NEK10: variants seen among roughly 807,000 people sequenced by gnomAD.
NEK10 encodes NIMA related kinase 10.
In NEK10, 122 loss-of-function variants were observed where a neutral mutation model predicts 159.8. That is an observed-to-expected ratio of 0.76 (90% CI 0.66 to 0.89). The LOEUF is 0.89. NEK10 is among the 40% of genes least tolerant of loss of function. The pLI is 0.00. For synonymous variants in NEK10, 466 were observed against 457.1 expected (o/e 1.02, Z -0.25); for missense variants, 1,342 against 1,323.1 (o/e 1.01, Z -0.22).
In NEK10 at chr3:27,298,795, CAA is replaced by C. The variant is rs535315551; in HGVS notation, c.1169-1557_1169-1556del. 2.0e-5 allele frequency among the ~76,000 whole-genome samples: 3 copies of C among 152,238 alleles called. No individual in the cohort carries two copies. The South Asian group carries it at 6.2e-4, about 32-fold the overall frequency. On this transcript the variant is annotated intron_variant, in intron 13 of 35. Transcript: ENST00000691995. ...CAAGGTGACTCTTGCTATGTTTTAGCAAAGAGATTGGTGGCATTTTGCCCCTG... is the reference window on the plus strand; with the variant it reads ...CAAGGTGACTCTTGCTATGTTTTAGCAGAGATTGGTGGCATTTTGCCCCTG...
chr3:27,364,214 A>G (rs6774748), intron 1 of NEK10, among the ~76,000 whole-genome samples: 86,673 of 151,798 alleles, frequency 0.57, 26,737 homozygotes, highest in African/African-American at 0.81. Context: ...TGCTCTTGTC[A>G]CCCAGGCTGG....
At chr3:27,289,660 T>G (rs2042861738) in intron 19 of NEK10, among the ~76,000 whole-genome samples, 1 of 152,234 alleles carries the variant, frequency 6.6e-6, no homozygotes, top group Non-Finnish European at 1.5e-5. Flanking sequence ...AACACTGGAC[T>G]GGCTTAGGTC....
intron 25 of NEK10, among the ~76,000 whole-genome samples, chr3:27,198,537 A>T (rs376483332): frequency 1.5e-4 from 23 of 152,136 alleles, no homozygotes; most frequent in African/African-American, 5.6e-4. Context: ...GCAATGGGGG[A>T]AAGATTCCCT....
At position 27,172,845 on chromosome 3, in the gene NEK10, C is replaced by G. The variant is rs190604285; in HGVS notation, c.2777-972G>C. Among the ~76,000 whole-genome samples, 94 of 152,162 alleles carry G rather than the reference C, an allele frequency of 6.2e-4. 1 individual carries two copies. Among genetic ancestry groups the G allele is most frequent in the African/African-American group, 2.2e-3 (90 of 41,518 alleles). ...CCATGAATGGCTTTGTCTATAAACA[C>G]TCTCATATTGTTCTAAAGTCAAACT... On this transcript the variant is annotated intron_variant, in intron 28 of 35. Coordinates refer to ENST00000691995, the MANE Select transcript of NEK10 (RefSeq NM_001394966.1).
rs1376171812 is a variant in NEK10, at chr3:27,177,877, G to T, written c.2506-3044C>A. Among the ~76,000 whole-genome samples, 3 of 152,118 alleles carry T rather than the reference G, an allele frequency of 2.0e-5. No individual in the cohort carries two copies. The South Asian group carries it at 6.2e-4, about 32-fold the overall frequency. On this transcript the variant is annotated intron_variant, in intron 26 of 35. Coordinates refer to ENST00000691995, the MANE Select transcript of NEK10 (RefSeq NM_001394966.1). ...ACATTAACCTATTAAAGGGATTTAGGCAAGAAAAAAGGCAAAGTTTTTGGA... is the reference window on the plus strand; with the variant it reads ...ACATTAACCTATTAAAGGGATTTAGTCAAGAAAAAAGGCAAAGTTTTTGGA...
Position 27,209,373 on chromosome 3 carries a change from C to G in NEK10, c.2091-6816G>C, listed in dbSNP as rs922533744. ...TAAACACTATCTATGGTTTTCTGCA[C>G]TTACTTTACAAAAATAGCAAAGCAG... On this transcript the variant is annotated intron_variant, in intron 23 of 35. Coordinates refer to ENST00000691995, the MANE Select transcript of NEK10 (RefSeq NM_001394966.1). Among the ~76,000 whole-genome samples the G allele has an allele frequency of 6.6e-5, 10 of 152,260 alleles. No individual in the cohort carries two copies. In the East Asian group the frequency reaches 1.9e-3, roughly 29 times the overall value.
chr3:27,356,752 C>T (rs1447451710), intron 1 of NEK10, among the ~76,000 whole-genome samples: 2 of 152,090 alleles, frequency 1.3e-5, no homozygotes, highest in Non-Finnish European at 2.9e-5. Flanking sequence ...CATATTCACC[C>T]CCACACACTC....
intron 5 of NEK10, among the ~76,000 whole-genome samples, chr3:27,337,890 G>A (rs1411567942): frequency 1.3e-5 from 2 of 152,128 alleles, no homozygotes; most frequent in African/African-American, 4.8e-5. Flanking sequence ...TGAAACATAG[G>A]AAGGTGTAGG....
At chr3:27,265,794 T>A (rs2040837107) in intron 22 of NEK10, 1 of 145,818 alleles carries the variant, frequency 6.9e-6, no homozygotes, top group African/African-American at 2.6e-5. Context: ...GATATACAAT[T>A]TGCAAATATT....
intron 9 of NEK10, chr3:27,309,483 A>G (rs1170187895): frequency 6.6e-6 from 1 of 152,332 alleles, no homozygotes; most frequent in Non-Finnish European, 1.5e-5. Context: ...GCAGGAGTCC[A>G]TCTCTCCTTA....
intron 23 of NEK10, among the ~76,000 whole-genome samples, chr3:27,217,163 T>C (rs189814100): frequency 2.3e-4 from 35 of 152,316 alleles, no homozygotes; most frequent in Admixed American, 9.2e-4. Flanking sequence ...TGGTGAGTCA[T>C]GGCCTCAGAT....
chr3:27,126,501 A>G (rs544212425), intron 32 of NEK10, among the ~76,000 whole-genome samples: 10 of 152,286 alleles, frequency 6.6e-5, no homozygotes, highest in African/African-American at 2.4e-4. Flanking sequence ...TGGATATACC[A>G]TAAGTTCACA....
Position 27,344,414 on chromosome 3 carries a change from G to A in NEK10, c.264-44C>T, listed in dbSNP as rs751984672. 9.4e-6 allele frequency: 10 copies of A among 1,058,708 alleles called. No homozygotes were observed. The Admixed American group carries it at 1.8e-4, about 19-fold the overall frequency. The allele number at this position is 1,058,708 out of a possible 1,614,324, so 65.6% of individuals were successfully genotyped here. On this transcript the variant is annotated intron_variant, in intron 4 of 35. Coordinates refer to ENST00000691995, the MANE Select transcript of NEK10 (RefSeq NM_001394966.1). ...AAAAGGATTTTGTAATAGAGATCAG[G>A]CTGTCTCAAAGTTGCCAGTGCAGAC...
chr3:27,218,346 C>A (rs1951739771), intron 23 of NEK10, among the ~76,000 whole-genome samples: 1 of 152,100 alleles, frequency 6.6e-6, no homozygotes, highest in African/African-American at 2.4e-5. Context: ...GTGGCTCACG[C>A]CTGTAATCCC....
intron 26 of NEK10, among the ~76,000 whole-genome samples, chr3:27,186,111 T>C (rs964176706): frequency 6.6e-6 from 1 of 152,204 alleles, no homozygotes; most frequent in African/African-American, 2.4e-5. Flanking sequence ...CTGTTAGACA[T>C]GCAGGTGAAT....
chr3:27,256,776 G>A (rs929687099), intron 22 of NEK10, among the ~76,000 whole-genome samples: 1 of 152,022 alleles, frequency 6.6e-6, no homozygotes, highest in Admixed American at 6.6e-5. Flanking sequence ...GTACAAGTAT[G>A]TTCAAAATAA....
At chr3:27,149,704 C>T (rs922329961) in intron 30 of NEK10, among the ~76,000 whole-genome samples, 2 of 152,110 alleles carry the variant, frequency 1.3e-5, no homozygotes, top group Non-Finnish European at 2.9e-5. Context: ...TGAGACACAA[C>T]AATACTGAGA....
chr3:27,137,745 A>C (rs1467376340), intron 31 of NEK10, among the ~76,000 whole-genome samples: 1 of 152,190 alleles, frequency 6.6e-6, no homozygotes. Context: ...GCATCTCCAA[A>C]AGGCAGCCAT....
chr3:27,291,864 G>A (rs888897078), intron 16 of NEK10, among the ~76,000 whole-genome samples: 8 of 152,042 alleles, frequency 5.3e-5, no homozygotes, highest in African/African-American at 1.7e-4. Context: ...GGATGGTCTC[G>A]ATCTCCTGAC....
Sources: allele counts gnomAD v4.1 joint callset (sites outside exome capture counted in the v4.1 genomes callset), GRCh38; gene constraint gnomAD v4.1.1; transcripts MANE v1.5; gene names NCBI Gene and HGNC (gene_info 2026-07-23, HGNC 2026-07-21).